Variants in PLAC1 observed in about 807,000 individuals in gnomAD.
PLAC1 encodes the protein placenta-specific protein 1.
For missense variants in PLAC1, 136 were observed against 163.2 expected (o/e 0.83, Z 0.91); for synonymous variants, 68 against 62.1 (o/e 1.09, Z -0.44).
Position 134,738,135 on chromosome X carries a change from A to G in PLAC1, n.90-4616T>C, listed in dbSNP as rs1306983674. ...TATAAAGAGAAAACTAAGACTAGAG[A>G]AAGGGGGAGAGTAGTGAGAGCAAGA... is the stretch of plus-strand genomic sequence containing the variant. On this transcript the variant is annotated intron_variant and non_coding_transcript_variant, in intron 1 of 2. Transcript: ENST00000466797. Among the ~76,000 whole-genome samples the G allele has an allele frequency of 2.7e-5, 3 of 111,528 alleles. No individual in the cohort carries two copies. In the East Asian group the frequency reaches 8.4e-4, roughly 31 times the overall value.
At chrX:134,670,140 C>A (rs2078450913) in intron 2 of PLAC1, among the ~76,000 whole-genome samples, 1 of 108,279 alleles carries the variant, frequency 9.2e-6, no homozygotes, top group Admixed American at 9.9e-5. Flanking sequence ...CACCAACAAT[C>A]TGGCTCTTGC....
chrX:134,597,327 A>C (rs1009957193), intron 2 of PLAC1, among the ~76,000 whole-genome samples: 2 of 112,008 alleles, frequency 1.8e-5, no homozygotes, highest in African/African-American at 6.5e-5. Flanking sequence ...TCTAAAGTCT[A>C]CATTTGGTTC....
intron 1 of PLAC1, among the ~76,000 whole-genome samples, chrX:134,611,913 C>G (rs2078155773): frequency 9.0e-6 from 1 of 111,294 alleles, no homozygotes; most frequent in East Asian, 2.8e-4. Context: ...GCCTCTGGCT[C>G]TTGGCCTTCT....
intron 2 of PLAC1, among the ~76,000 whole-genome samples, chrX:134,578,515 C>CTTTTTTT (rs766626696): frequency 1.1e-4 from 6 of 55,963 alleles, no homozygotes; most frequent in Non-Finnish European, 1.2e-4. Flanking sequence ...TTCTTTCTTT[C>CTTTTTTT]TTTTTTTTTT....
At chrX:134,622,130 T>G (rs1447819818) in intron 1 of PLAC1, among the ~76,000 whole-genome samples, 1 of 111,942 alleles carries the variant, frequency 8.9e-6, no homozygotes, top group African/African-American at 3.3e-5. Context: ...GCTGTATCAG[T>G]TGGCAGATGA....
chrX:134,580,847 C>T lies in PLAC1; in HGVS notation c.-58-14107G>A, dbSNP rs768757054. On this transcript the variant is annotated intron_variant, in intron 2 of 2. Transcript: ENST00000359237. ...TGCATACCCAGAACACAATGAACCT[C>T]GAGACACACTGTATATTCAGGCCTT... is the stretch of plus-strand genomic sequence containing the variant. 2.7e-5 allele frequency among the ~76,000 whole-genome samples: 3 copies of T among 111,615 alleles called. No individual in the cohort carries two copies. In the South Asian group the frequency reaches 1.1e-3, roughly 42 times the overall value.
chrX:134,578,425 A>AG (rs1569375981), intron 2 of PLAC1, among the ~76,000 whole-genome samples: 3 of 31,711 alleles, frequency 9.5e-5, no homozygotes, highest in Non-Finnish European at 2.1e-4. Context: ...AAAAAAAAAA[A>AG]AAAAGAAAAG....
intron 1 of PLAC1, among the ~76,000 whole-genome samples, chrX:134,753,238 T>C (rs1253797178): frequency 3.6e-5 from 4 of 111,369 alleles, no homozygotes; most frequent in Admixed American, 2.9e-4. Context: ...ATTTGTGTCG[T>C]GGCCCGAGAA....
chrX:134,674,281 T>C (rs748861945), intron 2 of PLAC1, among the ~76,000 whole-genome samples: 13 of 112,573 alleles, frequency 1.2e-4, no homozygotes, highest in Non-Finnish European at 2.3e-4. Context: ...TTAAAACTCA[T>C]TTTCTCAGCC....
At chrX:134,676,402 T>C (rs2078475293) in intron 2 of PLAC1, among the ~76,000 whole-genome samples, 2 of 111,640 alleles carry the variant, frequency 1.8e-5, no homozygotes, top group South Asian at 7.6e-4. Flanking sequence ...ACCTCCATCC[T>C]CAACTAGGCC....
intron 2 of PLAC1, among the ~76,000 whole-genome samples, chrX:134,676,789 C>A (rs2078476833): frequency 9.0e-6 from 1 of 111,260 alleles, no homozygotes; most frequent in African/African-American, 3.3e-5. Context: ...TCCCAAACAG[C>A]ACTGATCACA....
chrX:134,750,891 A>T (rs866282168), intron 1 of PLAC1, among the ~76,000 whole-genome samples: 1 of 8,499 alleles, frequency 1.2e-4, no homozygotes, highest in African/African-American at 6.2e-4. Flanking sequence ...AAATATATAT[A>T]TATATATTTA....
chrX:134,613,477 C>T lies in PLAC1; in HGVS notation c.-130-11355G>A, dbSNP rs1458563255. Among the ~76,000 whole-genome samples the T allele has an allele frequency of 7.2e-5, 8 of 110,744 alleles. No individual in the cohort carries two copies. In the Admixed American group the frequency reaches 7.7e-4, roughly 11 times the overall value. On this transcript the variant is annotated intron_variant, in intron 1 of 2. Transcript: ENST00000359237. ...GCAGTAACTTGCACATAAGTTAGGG[C>T]AGTGTCTATGTCAAAAGACCCTCTG...
chrX:134,636,923 G>C (rs964351086), intron 1 of PLAC1, among the ~76,000 whole-genome samples: 3 of 112,261 alleles, frequency 2.7e-5, no homozygotes, highest in African/African-American at 9.7e-5. Context: ...CAGTACCTGG[G>C]TAGGATTTCA....
chrX:134,613,201 G>A (rs187187435), intron 1 of PLAC1, among the ~76,000 whole-genome samples: 3 of 110,825 alleles, frequency 2.7e-5, no homozygotes, highest in East Asian at 2.9e-4. Context: ...TGCACAGGAC[G>A]ATCCAGGGAA....
chrX:134,648,163 C>T (rs939105210), intron 1 of PLAC1, among the ~76,000 whole-genome samples: 4 of 110,811 alleles, frequency 3.6e-5, no homozygotes, highest in African/African-American at 1.3e-4. Flanking sequence ...GTAAAATACG[C>T]CTGGGAGGAA....
At chrX:134,606,253 A>AAAT (rs1335946857) in intron 1 of PLAC1, 1 of 110,637 alleles carries the variant, frequency 9.0e-6, no homozygotes, top group Non-Finnish European at 1.9e-5. Flanking sequence ...AAAAAAAAAA[A>AAAT]AAGTTGTATT....
chrX:134,721,014 T>C (rs1224832631), intron 2 of PLAC1, among the ~76,000 whole-genome samples: 1 of 112,604 alleles, frequency 8.9e-6, no homozygotes, highest in Non-Finnish European at 1.9e-5. Context: ...AAAGGCAACA[T>C]GCAGAATGGG....
intron 2 of PLAC1, among the ~76,000 whole-genome samples, chrX:134,580,452 A>G (rs1190624060): frequency 8.9e-6 from 1 of 112,377 alleles, no homozygotes; most frequent in Non-Finnish European, 1.9e-5. Flanking sequence ...TAGGAAATTC[A>G]TTAAAGACAC....
Sources: gnomAD v4.1 joint callset for allele counts (sites outside exome capture counted in the v4.1 genomes callset) on GRCh38, gnomAD v4.1.1 for gene constraint, MANE v1.5 for transcripts, NCBI Gene and HGNC (gene_info 2026-07-23, HGNC 2026-07-21) for gene names.